NDRG4: variants seen among roughly 807,000 people sequenced by gnomAD.
NDRG4 encodes protein NDRG4.
In NDRG4, 38 loss-of-function variants were observed where a neutral mutation model predicts 55.8. The observed-to-expected ratio is 0.68, with a 90% CI of 0.53 to 0.89. NDRG4 has a LOEUF of 0.89. Among genes scored for constraint, NDRG4 ranks in the 40% least tolerant of loss-of-function variants. The probability of loss-of-function intolerance (pLI) is 0.00; values close to 1 mark genes in which losing one functional copy is unlikely to be tolerated. For synonymous variants in NDRG4, 190 were observed against 182.7 expected, an observed-to-expected ratio of 1.04 and a Z score of -0.32; for missense variants, 455 against 468.6, an observed-to-expected ratio of 0.97 and a Z score of 0.27.
At chr16:58,487,724 C>T (rs1311426769) in intron 1 of NDRG4, 39 of 1,470,122 alleles carry the variant, frequency 2.7e-5, no homozygotes, top group Non-Finnish European at 3.2e-5. Flanking sequence ...GTCCCCGCCG[C>T]AGCAGGCCTC....
chr16:58,505,724 T>TTTTTTTTTTTTTTTTTTTTTTTC (rs2037873554), intron 5 of NDRG4, among the ~76,000 whole-genome samples: 1 of 132,200 alleles, frequency 7.6e-6, no homozygotes, highest in African/African-American at 3.0e-5. Context: ...TTTTTTTTTT[T>TTTTTTTTTTTTTTTTTTTTTTTC]TTTTTTTTTT....
At chr16:58,495,815 C>G (rs1020029286), upstream of NDRG4, among the ~76,000 whole-genome samples, 1 of 152,140 alleles carries the variant, frequency 6.6e-6, no homozygotes, top group African/African-American at 2.4e-5. Context: ...TACATGTGCT[C>G]AGATCCTCCG....
Position 58,475,566 on chromosome 16 carries a change from G to T in NDRG4, c.-24+11769G>T, listed in dbSNP as rs76103411. 7.9e-3 allele frequency: 3,568 copies of T among 454,260 alleles called. 99 individuals are homozygous for T. Among genetic ancestry groups the T allele is most frequent in the African/African-American group, 0.058 (2,915 of 49,958 alleles). The allele number at this position is 454,260 out of a possible 1,614,324, so 28.1% of individuals were successfully genotyped here. On this transcript the variant is annotated intron_variant, in intron 1 of 15. Coordinates refer to the NDRG4 transcript ENST00000258187. ...AGCTGTGTGTAACAGAAAACCCATG[G>T]TAATAATAAGTAAGATAAAAGTATT...
At chr16:58,486,700 T>TACACACACACACACAC (rs56119933) in intron 1 of NDRG4, among the ~76,000 whole-genome samples, 4 of 128,136 alleles carry the variant, frequency 3.1e-5, no homozygotes, top group African/African-American at 1.2e-4. Context: ...CACTGGCTCC[T>TACACACACACACACAC]ACACACACAC....
chr16:58,492,867 C>A (rs1011447130), intron 2 of NDRG4, among the ~76,000 whole-genome samples: 1 of 152,114 alleles, frequency 6.6e-6, no homozygotes, highest in African/African-American at 2.4e-5. Context: ...GCCCCAGGCC[C>A]TTGTCCTCCC....
intron 1 of NDRG4, among the ~76,000 whole-genome samples, chr16:58,484,691 T>C (rs1358342514): frequency 2.0e-5 from 3 of 152,116 alleles, no homozygotes; most frequent in Non-Finnish European, 2.9e-5. Context: ...CCTGTCCCTT[T>C]AGGGAATAAG....
At chr16:58,473,592 C>G (rs2033173527) in intron 1 of NDRG4, among the ~76,000 whole-genome samples, 2 of 152,196 alleles carry the variant, frequency 1.3e-5, no homozygotes, top group African/African-American at 4.8e-5. Flanking sequence ...ATAGCTCTAT[C>G]CTTCCATAGC....
In NDRG4 at chr16:58,506,797, C is replaced by T. The variant is rs1419904092; in HGVS notation, c.517-115C>T. On this transcript the variant is annotated intron_variant, in intron 7 of 14. Transcript: ENST00000570248. ...TCCTACCTGCCCCCACCCTGTCTCCCCTGCCTGCTGAGTGGGGCAAGGGCC... is the reference window on the plus strand; with the variant it reads ...TCCTACCTGCCCCCACCCTGTCTCCTCTGCCTGCTGAGTGGGGCAAGGGCC... 3 of 1,209,970 alleles carry T rather than the reference C, an allele frequency of 2.5e-6. No individual in the cohort carries two copies. The African/African-American group carries it at 4.5e-5, about 18-fold the overall frequency. 75.0% of individuals were successfully genotyped at this position (1,209,970 alleles called of 1,614,324 possible).
Position 58,506,953 on chromosome 16 carries a change from G to A in NDRG4, c.558G>A (p.Arg186=). Residue 186 remains arginine, a synonymous_variant, in exon 8 of 15, where the codon CGG becomes CGA. Coordinates refer to ENST00000570248, the MANE Select transcript of NDRG4 (RefSeq NM_001242835.2). The part of the protein sequence containing the change: ...VNNTELVQSY[R]QQIGNVVNQA... ...ACACAGAGTTGGTGCAGAGCTACCG[G>A]CAGCAGATTGGGAACGTGGTGAACC... is the stretch of plus-strand genomic sequence containing the variant. The A allele has an allele frequency of 6.2e-7, 1 of 1,614,130 alleles. No individual in the cohort carries two copies. Among genetic ancestry groups the A allele is most frequent in the Non-Finnish European group, 8.5e-7 (1 of 1,180,010 alleles).
At chr16:58,467,856 C>T (rs1037201155) in intron 1 of NDRG4, among the ~76,000 whole-genome samples, 16 of 152,210 alleles carry the variant, frequency 1.1e-4, no homozygotes, top group Admixed American at 7.9e-4. Context: ...GTGGAGCTGG[C>T]GTCCTCAGGC....
chr16:58,507,742 T>C, intron 8 of NDRG4, 66 bp from the exon 9 acceptor site: 1 of 1,504,582 alleles, frequency 6.6e-7, no homozygotes, highest in South Asian at 1.1e-5. Context: ...AGTGTTGGGC[T>C]TGGGATGCCC....
chr16:58,470,289 A>G (rs2032521778), intron 1 of NDRG4, among the ~76,000 whole-genome samples: 1 of 152,232 alleles, frequency 6.6e-6, no homozygotes, highest in African/African-American at 2.4e-5. Flanking sequence ...GGAATTCTGA[A>G]GATGAGCTGG....
exon 1 of NDRG4, chr16:58,463,746 G>GCGCCGAAGCCCCGCTCCC (rs2030962249): frequency 6.6e-6 from 1 of 150,556 alleles, no homozygotes; most frequent in Non-Finnish European, 1.5e-5. Flanking sequence ...CGCGTCGGCG[G>GCGCCGAAGCCCCGCTCCC]CGCCGAAGCC....
intron 1 of NDRG4, among the ~76,000 whole-genome samples, chr16:58,466,153 A>G (rs369335505): frequency 1.3e-5 from 2 of 152,302 alleles, no homozygotes; most frequent in South Asian, 2.1e-4. Context: ...AGTAGCTGGG[A>G]TTACAGGCAC....
In NDRG4 at chr16:58,511,607, C is replaced by T. The variant is rs368579912; in HGVS notation, c.*31C>T. 287 of 1,612,756 alleles carry T rather than the reference C, an allele frequency of 1.8e-4. No homozygotes were observed. The African/African-American group carries it at 2.6e-3, about 14-fold the overall frequency. ...TTGATCCCGCTGACGACGCCCACGT[C>T]GAGGCCCCACCGCCATCCTTGCGCC... On this transcript the variant is annotated 3_prime_UTR_variant, in exon 15 of 15. Coordinates refer to ENST00000570248, the MANE Select transcript of NDRG4 (RefSeq NM_001242835.2).
intron 1 of NDRG4, chr16:58,500,706 G>A (rs148421848): frequency 1.9e-5 from 8 of 426,102 alleles, no homozygotes; most frequent in African/African-American, 4.1e-5. Flanking sequence ...GGTGTCCTTG[G>A]TGAGCCCCCG....
chr16:58,508,299 G>A (rs2038317378), intron 10 of NDRG4, among the ~76,000 whole-genome samples: 1 of 152,188 alleles, frequency 6.6e-6, no homozygotes, highest in Non-Finnish European at 1.5e-5. Flanking sequence ...CCCACCTCAG[G>A]CCCAGGGTGT....
intron 5 of NDRG4, chr16:58,505,904 T>C: frequency 8.2e-6 from 2 of 242,758 alleles, no homozygotes; most frequent in Non-Finnish European, 1.6e-5. Flanking sequence ...GTATTTTTAT[T>C]AGAGACAGGG....
chr16:58,482,867 C>T (rs2034630623), intron 1 of NDRG4, among the ~76,000 whole-genome samples: 2 of 151,970 alleles, frequency 1.3e-5, no homozygotes, highest in South Asian at 4.2e-4. Context: ...ACTGCAACCT[C>T]CACCTCCCGG....
Sources: allele counts gnomAD v4.1 joint callset (sites outside exome capture counted in the v4.1 genomes callset), GRCh38; gene constraint gnomAD v4.1.1; transcripts MANE v1.5; gene names NCBI Gene and HGNC (gene_info 2026-07-23, HGNC 2026-07-21).